Variants in BAZ1B observed in about 807,000 individuals in gnomAD.
The protein encoded by BAZ1B is bromodomain adjacent to zinc finger domain 1B, also known as tyrosine-protein kinase BAZ1B.
In BAZ1B, 22 loss-of-function variants were observed where a neutral mutation model predicts 153.8. The ratio of observed to expected loss-of-function variants is 0.14; its 90% CI spans 0.10 to 0.20. The LOEUF is 0.20. Among genes scored for constraint, BAZ1B ranks in the 10% least tolerant of loss-of-function variants. The probability of loss-of-function intolerance (pLI) is 1.00; values close to 1 mark genes in which losing one functional copy is unlikely to be tolerated. For missense variants in BAZ1B, 1,325 were observed against 1,799.3 expected (o/e 0.74, Z 4.77); for synonymous variants, 676 against 633.4 (o/e 1.07, Z -1.01).
At chr7:73,476,227 T>C (rs1788993672) in intron 7 of BAZ1B, among the ~76,000 whole-genome samples, 3 of 152,126 alleles carry the variant, frequency 2.0e-5, no homozygotes, top group Non-Finnish European at 4.4e-5. Context: ...GTTACAAAAT[T>C]GGCAATGGTT....
intron 11 of BAZ1B, 142 bp from the exon 12 acceptor site, chr7:73,463,241 T>A: frequency 2.5e-5 from 6 of 238,252 alleles, no homozygotes; most frequent in African/African-American, 4.3e-5. Context: ...TCTTTTTTCT[T>A]TTTTTTTTTT....
intron 1 of BAZ1B, among the ~76,000 whole-genome samples, chr7:73,516,513 G>T (rs948114629): frequency 2.0e-5 from 3 of 151,960 alleles, no homozygotes; most frequent in African/African-American, 7.3e-5. Context: ...GGCCAGGCGC[G>T]GTGGCTCACG....
intron 13 of BAZ1B, among the ~76,000 whole-genome samples, chr7:73,453,702 G>C (rs1318332644): frequency 4.6e-5 from 7 of 152,196 alleles, no homozygotes; most frequent in African/African-American, 1.4e-4. Flanking sequence ...AAGGAACACA[G>C]GGCCAGATGC....
chr7:73,492,421 C>T (rs1339651488), intron 5 of BAZ1B, among the ~76,000 whole-genome samples: 6 of 151,796 alleles, frequency 4.0e-5, no homozygotes, highest in Non-Finnish European at 8.8e-5. Context: ...CTCGGCCTCC[C>T]AAAGTACTGG....
At chr7:73,521,713 C>CGCGCTGACAGCTGCCCCGGGCCGGGGAT in intron 1 of BAZ1B, 114 bp downstream of exon 1, 1 of 828,446 alleles carries the variant, frequency 1.2e-6, no homozygotes, top group Middle Eastern at 3.5e-4. Context: ...GCGGCCGGGG[C>CGCGCTGACAGCTGCCCCGGGCCGGGGAT]GCGCTGACAG....
chr7:73,449,998 T>C (rs1275509702), intron 14 of BAZ1B, among the ~76,000 whole-genome samples: 1 of 152,110 alleles, frequency 6.6e-6, no homozygotes, highest in Admixed American at 6.5e-5. Flanking sequence ...TTGCTGCTTT[T>C]TCGACCTCCC....
At chr7:73,506,510 A>C (rs1050418831) in intron 3 of BAZ1B, among the ~76,000 whole-genome samples, 2 of 149,366 alleles carry the variant, frequency 1.3e-5, no homozygotes, top group African/African-American at 4.9e-5. Context: ...AAAAAAAAAA[A>C]AAATTTAAGT....
chr7:73,486,771 G>A (rs1045039290), intron 6 of BAZ1B, among the ~76,000 whole-genome samples: 1 of 152,008 alleles, frequency 6.6e-6, no homozygotes, highest in Non-Finnish European at 1.5e-5. Context: ...TGGATGGATG[G>A]GTCCTATGTG....
intron 9 of BAZ1B, among the ~76,000 whole-genome samples, chr7:73,466,688 A>G (rs1302639389): frequency 1.3e-5 from 2 of 152,208 alleles, no homozygotes; most frequent in African/African-American, 2.4e-5. Flanking sequence ...TTTATATCAA[A>G]GCAAAATAAA....
At position 73,442,843 on chromosome 7, in the gene BAZ1B, A is replaced by C. The variant is rs577212970; in HGVS notation, c.3991-15T>G. On this transcript the variant is annotated splice_polypyrimidine_tract_variant and intron_variant, in intron 17 of 19. Coordinates refer to ENST00000339594, the MANE Select transcript of BAZ1B (RefSeq NM_032408.4). ...GTCTGAAGCACCTGGCAGGAAAGAAAGAACAATGTTATTACAGATTCAAGA... is the reference window on the plus strand; with the variant it reads ...GTCTGAAGCACCTGGCAGGAAAGAACGAACAATGTTATTACAGATTCAAGA... 1.9e-6 allele frequency: 3 copies of C among 1,592,728 alleles called. No homozygotes were observed. The highest frequency in any genetic ancestry group is 4.5e-5 in the East Asian group (2 of 44,744).
At chr7:73,466,554 T>G (rs1788593839) in intron 9 of BAZ1B, among the ~76,000 whole-genome samples, 153 bp from the exon 10 acceptor site, 1 of 152,240 alleles carries the variant, frequency 6.6e-6, no homozygotes. Context: ...TAAAAGATGC[T>G]AATTTCTCTT....
At chr7:73,480,853 A>G (rs1202264092) in intron 6 of BAZ1B, among the ~76,000 whole-genome samples, 3 of 152,242 alleles carry the variant, frequency 2.0e-5, no homozygotes, top group East Asian at 1.9e-4. Context: ...ACAGTAAAAC[A>G]CCTATGCTCT....
rs1787599157 is a variant in BAZ1B at position 73,441,114 on chromosome 7, T to A, written c.*595A>T. The stretch of plus-strand genomic sequence containing the variant: ...AGACACAGCACTGCCCTGCTCCCCC[T>A]CCAATGTTGCTGCTTGCCTCAATGA... On this transcript the variant is annotated 3_prime_UTR_variant, in exon 20 of 20. Transcript: ENST00000339594. 6.6e-6 allele frequency: 1 copy of A among 151,894 alleles called. No individual in the cohort carries two copies. Among genetic ancestry groups the A allele is most frequent in the Non-Finnish European group, 1.5e-5 (1 of 67,978 alleles). 9.4% of individuals were successfully genotyped at this position (151,894 alleles called of 1,614,324 possible). A position where few individuals can be genotyped will look rare whatever the true frequency, so the allele number is the denominator to read the frequency against.
chr7:73,460,406 T>A (rs1788356915), intron 12 of BAZ1B, among the ~76,000 whole-genome samples: 1 of 152,150 alleles, frequency 6.6e-6, no homozygotes, highest in Admixed American at 6.5e-5. Context: ...ATCTTAATGT[T>A]TTTTTAATTT....
chr7:73,470,921 G>A (rs1168980313), intron 7 of BAZ1B, among the ~76,000 whole-genome samples: 4 of 152,140 alleles, frequency 2.6e-5, no homozygotes, highest in Non-Finnish European at 5.9e-5. Flanking sequence ...TTTTAGTAGA[G>A]ACGGGGTTTC....
intron 5 of BAZ1B, 24 bp from the exon 6 acceptor site, chr7:73,489,415 C>T (rs782360471): frequency 1.2e-6 from 2 of 1,612,894 alleles, no homozygotes; most frequent in African/African-American, 2.7e-5. Flanking sequence ...AAACAAATAA[C>T]TCACCACTGG....
intron 12 of BAZ1B, among the ~76,000 whole-genome samples, chr7:73,460,087 C>T (rs1027259622): frequency 2.0e-5 from 3 of 150,138 alleles, no homozygotes; most frequent in Non-Finnish European, 3.0e-5. Flanking sequence ...CCCAGCTACT[C>T]GGGAAGCAGG....
chr7:73,515,108 C>T (rs1790744288), intron 1 of BAZ1B, among the ~76,000 whole-genome samples: 1 of 152,066 alleles, frequency 6.6e-6, no homozygotes, highest in African/African-American at 2.4e-5. Flanking sequence ...CACACAATCA[C>T]GACGAACTCA....
At chr7:73,498,277 A>G (rs1460368161) in intron 4 of BAZ1B, among the ~76,000 whole-genome samples, 1 of 152,088 alleles carries the variant, frequency 6.6e-6, no homozygotes, top group East Asian at 1.9e-4. Context: ...GAGCTTTCTA[A>G]GCAACTAGAG....
Sources: gnomAD v4.1 joint callset for allele counts (sites outside exome capture counted in the v4.1 genomes callset) on GRCh38, gnomAD v4.1.1 for gene constraint, MANE v1.5 for transcripts, NCBI Gene and HGNC (gene_info 2026-07-23, HGNC 2026-07-21) for gene names.